The following SPAG16 variants were observed in gnomAD, a reference collection of about 807,000 sequenced individuals.
SPAG16 encodes the protein sperm-associated antigen 16 protein.
In SPAG16, 86 loss-of-function variants were observed where a neutral mutation model predicts 80.4. The observed-to-expected ratio is 1.07, with a 90% confidence interval of 0.90 to 1.28. The LOEUF (loss-of-function observed/expected upper bound fraction) is 1.28, where lower values mean the gene tolerates loss of function less well. SPAG16 is among the 50% of genes most tolerant of loss of function. The pLI is 0.00. For synonymous variants in SPAG16, 294 were observed against 265.9 expected (o/e 1.11, Z -1.03); for missense variants, 870 against 765.3 (o/e 1.14, Z -1.61).
intron 13 of SPAG16, among the ~76,000 whole-genome samples, chr2:214,068,520 A>C (rs181480669): frequency 6.6e-6 from 1 of 152,270 alleles, no homozygotes; most frequent in East Asian, 1.9e-4. Flanking sequence ...ACTGTGGTAC[A>C]AGGTCTGACT....
At chr2:213,915,617 G>A (rs2077920878) in intron 11 of SPAG16, among the ~76,000 whole-genome samples, 1 of 152,144 alleles carries the variant, frequency 6.6e-6, no homozygotes, top group African/African-American at 2.4e-5. Flanking sequence ...ATAGTAAAAT[G>A]ATTTATAATC....
intron 10 of SPAG16, among the ~76,000 whole-genome samples, chr2:213,519,513 A>G (rs1373176142): frequency 1.3e-5 from 2 of 152,144 alleles, no homozygotes; most frequent in Admixed American, 1.3e-4. Flanking sequence ...CATCCACATA[A>G]GATGTGACTT....
intron 15 of SPAG16, among the ~76,000 whole-genome samples, chr2:214,267,779 T>A (rs1416721135): frequency 6.6e-6 from 1 of 151,876 alleles, no homozygotes; most frequent in African/African-American, 2.4e-5. Context: ...CCAATGTTAT[T>A]CTTCACAGAA....
rs570005977 is a variant in SPAG16, at chr2:213,689,611, T to C, written c.1071-172874T>C. Among the ~76,000 whole-genome samples the C allele has an allele frequency of 3.5e-3, 517 of 147,936 alleles. 1 individual carries two copies. Among genetic ancestry groups the C allele is most frequent in the Non-Finnish European group, 5.2e-3 (353 of 67,432 alleles). ...GAGCAGTGCCCAATAGCCATATGAA[T>C]TAATAAGATTTTTTAGTTTGAAAAC... On this transcript the variant is annotated intron_variant, in intron 10 of 15. Transcript: ENST00000331683.
chr2:213,625,296 G>A (rs1207881722), intron 10 of SPAG16, among the ~76,000 whole-genome samples: 1 of 152,086 alleles, frequency 6.6e-6, no homozygotes, highest in East Asian at 1.9e-4. Context: ...GGCAGAAGGG[G>A]AAGGGGAAGT....
Position 213,539,714 on chromosome 2 carries a change from A to G in SPAG16, c.1070+49624A>G, listed in dbSNP as rs1026879069. On this transcript the variant is annotated intron_variant, in intron 10 of 15. Coordinates refer to ENST00000331683, the MANE Select transcript of SPAG16 (RefSeq NM_024532.5). ...GTCCTTGTTAATAAACCATACTATT[A>G]AGCATATTAATTTTTGCTAAAAGCG... is the stretch of plus-strand genomic sequence containing the variant. 2.6e-5 allele frequency among the ~76,000 whole-genome samples: 4 copies of G among 152,336 alleles called. No homozygotes were observed. In the South Asian group the frequency reaches 8.3e-4, roughly 32 times the overall value.
rs977971004 is a variant in SPAG16 at position 214,181,898 on chromosome 2, T to C, written c.1720+32632T>C. On this transcript the variant is annotated intron_variant, in intron 15 of 15. Transcript: ENST00000331683. Reference sequence around the variant, plus strand: ...ATCACAGTGACTTAAAGTGCTTTTCTAGATGGCCTCTAGGCATCACAACTG... The same window carrying C: ...ATCACAGTGACTTAAAGTGCTTTTCCAGATGGCCTCTAGGCATCACAACTG... 2.6e-5 allele frequency among the ~76,000 whole-genome samples: 4 copies of C among 151,836 alleles called. No individual in the cohort carries two copies. The East Asian group carries it at 7.8e-4, about 29-fold the overall frequency.
intron 10 of SPAG16, among the ~76,000 whole-genome samples, chr2:213,746,294 C>A (rs989435723): frequency 6.6e-6 from 1 of 152,180 alleles, no homozygotes; most frequent in Non-Finnish European, 1.5e-5. Flanking sequence ...CAGTAATACT[C>A]TCTGAAAAAC....
At chr2:213,531,384 G>GTGTC (rs1553558613) in intron 10 of SPAG16, among the ~76,000 whole-genome samples, 2 of 151,718 alleles carry the variant, frequency 1.3e-5, no homozygotes, top group Non-Finnish European at 2.9e-5. Context: ...GTGTGTGTGT[G>GTGTC]TGTGTGTGTG....
intron 9 of SPAG16, among the ~76,000 whole-genome samples, chr2:213,386,954 A>C (rs531053417): frequency 4.3e-4 from 66 of 152,314 alleles, no homozygotes; most frequent in African/African-American, 1.5e-3. Context: ...CATAAGTCAA[A>C]ATTAAGAGAA....
At chr2:214,149,097 A>ATATG in intron 14 of SPAG16, 43 bp from the exon 15 acceptor site, 1 of 760,772 alleles carries the variant, frequency 1.3e-6, no homozygotes. Flanking sequence ...ATATATATAT[A>ATATG]CATACATACA....
intron 7 of SPAG16, among the ~76,000 whole-genome samples, chr2:213,354,532 A>G (rs560848150): frequency 6.6e-6 from 1 of 152,216 alleles, no homozygotes; most frequent in Non-Finnish European, 1.5e-5. Context: ...ATTTCTCCAC[A>G]TCCTCTCCAG....
Position 213,934,124 on chromosome 2 carries a change from C to T in SPAG16, c.1400+3979C>T, listed in dbSNP as rs2078890225. 3.3e-5 allele frequency among the ~76,000 whole-genome samples: 5 copies of T among 152,212 alleles called. No homozygotes were observed. The South Asian group carries it at 1.0e-3, about 31-fold the overall frequency. On this transcript the variant is annotated intron_variant, in intron 12 of 15. Coordinates refer to ENST00000331683, the MANE Select transcript of SPAG16 (RefSeq NM_024532.5). ...CTACAAAGAACAATGGGGAAAGGTG[C>T]TCCTCTGGGGGACAGCCATGGTCCA... is the stretch of plus-strand genomic sequence containing the variant.
chr2:214,110,528 G>A (rs1306202220), intron 14 of SPAG16, among the ~76,000 whole-genome samples: 1 of 152,110 alleles, frequency 6.6e-6, no homozygotes, highest in Non-Finnish European at 1.5e-5. Flanking sequence ...TCTTAATCCA[G>A]TCTATGATTG....
intron 10 of SPAG16, among the ~76,000 whole-genome samples, chr2:213,794,184 TCTC>T (rs999147840): frequency 2.6e-5 from 4 of 152,108 alleles, no homozygotes; most frequent in African/African-American, 7.2e-5. Context: ...GGAGAGTAGT[TCTC>T]CTGTTGTATT....
intron 9 of SPAG16, among the ~76,000 whole-genome samples, chr2:213,375,711 C>T (rs1046870357): frequency 6.6e-6 from 1 of 151,846 alleles, no homozygotes; most frequent in Non-Finnish European, 1.5e-5. Context: ...AAGTCTAGCT[C>T]AGGTAATGGA....
At chr2:213,760,280 T>C (rs2068583324) in intron 10 of SPAG16, among the ~76,000 whole-genome samples, 1 of 152,118 alleles carries the variant, frequency 6.6e-6, no homozygotes, top group Non-Finnish European at 1.5e-5. Flanking sequence ...GTAGCTATAC[T>C]GAGAACAGAC....
chr2:213,304,877 T>C (rs1181768711), intron 3 of SPAG16, among the ~76,000 whole-genome samples: 3 of 152,192 alleles, frequency 2.0e-5, no homozygotes, highest in African/African-American at 7.2e-5. Flanking sequence ...CCATATAAAT[T>C]GTAGGATTAT....
At chr2:214,129,262 TG>T (rs1427370479) in intron 14 of SPAG16, among the ~76,000 whole-genome samples, 2 of 152,190 alleles carry the variant, frequency 1.3e-5, no homozygotes, top group Non-Finnish European at 2.9e-5. Flanking sequence ...TTAGGGAGTC[TG>T]CTGTGCTTTG....
Sources: allele counts gnomAD v4.1 joint callset (sites outside exome capture counted in the v4.1 genomes callset), GRCh38; gene constraint gnomAD v4.1.1; transcripts MANE v1.5; gene names NCBI Gene and HGNC (gene_info 2026-07-23, HGNC 2026-07-21).